Variants in ST3GAL2 observed in about 807,000 individuals in gnomAD.
The protein encoded by ST3GAL2 is ST3 beta-galactoside alpha-2,3-sialyltransferase 2.
In ST3GAL2, 16 loss-of-function variants were observed where a neutral mutation model predicts 37.5. That is an observed-to-expected ratio of 0.43 (90% CI 0.29 to 0.65). The LOEUF is 0.65. Ranked by LOEUF, ST3GAL2 falls within the 30% of genes least tolerant of loss-of-function variation. The probability of loss-of-function intolerance (pLI) is 0.17; values close to 1 mark genes in which losing one functional copy is unlikely to be tolerated. For missense variants in ST3GAL2, 383 were observed against 487.8 expected (o/e 0.79, Z 2.02); for synonymous variants, 238 against 202.9 (o/e 1.17, Z -1.47).
Position 70,398,174 on chromosome 16 carries a change from G to C in ST3GAL2, c.339+18C>G, listed in dbSNP as rs1319822279. On this transcript the variant is annotated intron_variant, in intron 2 of 6. Coordinates refer to ENST00000342907, the MANE Select transcript of ST3GAL2 (RefSeq NM_006927.4). ...AAAACTGGGGGACAGATCCCTGGAAGGGAGCAGCAGCTCTTACCATCCACC... is the reference window on the plus strand; with the variant it reads ...AAAACTGGGGGACAGATCCCTGGAACGGAGCAGCAGCTCTTACCATCCACC... The C allele has an allele frequency of 1.2e-6, 2 of 1,604,500 alleles. No individual in the cohort carries two copies. Among genetic ancestry groups the C allele is most frequent in the African/African-American group, 1.3e-5 (1 of 74,788 alleles).
At chr16:70,408,907 A>G (rs1325890766) in intron 1 of ST3GAL2, among the ~76,000 whole-genome samples, 8 of 114,062 alleles carry the variant, frequency 7.0e-5, no homozygotes, top group African/African-American at 9.2e-5. Context: ...AAAAAAAAAA[A>G]AAAAAAAAAA....
At chr16:70,396,333 T>C (rs1045500741) in intron 2 of ST3GAL2, among the ~76,000 whole-genome samples, 1 of 140,956 alleles carries the variant, frequency 7.1e-6, no homozygotes, top group Non-Finnish European at 1.6e-5. Context: ...AAAAATAAAA[T>C]AAAACATTAT....
intron 1 of ST3GAL2, among the ~76,000 whole-genome samples, chr16:70,428,547 C>T (rs1567677970): frequency 6.6e-6 from 1 of 152,222 alleles, no homozygotes; most frequent in Non-Finnish European, 1.5e-5. Flanking sequence ...CCCCTTCCTC[C>T]CTGCTAGGGT....
chr16:70,396,915 C>T (rs541858990), intron 2 of ST3GAL2, among the ~76,000 whole-genome samples: 17 of 152,140 alleles, frequency 1.1e-4, no homozygotes, highest in African/African-American at 3.9e-4. Flanking sequence ...CCCCCCCAGC[C>T]CCACCCCTTC....
At chr16:70,438,505 A>G (rs1420509265) in intron 1 of ST3GAL2, among the ~76,000 whole-genome samples, 1 of 152,152 alleles carries the variant, frequency 6.6e-6, no homozygotes, top group African/African-American at 2.4e-5. Flanking sequence ...GAGAGAGGAA[A>G]GAGGAGCTGA....
intron 4 of ST3GAL2, among the ~76,000 whole-genome samples, 163 bp downstream of exon 4, chr16:70,388,204 C>T (rs1376113824): frequency 6.6e-6 from 1 of 152,012 alleles, no homozygotes; most frequent in Non-Finnish European, 1.5e-5. Flanking sequence ...TGACACAGAG[C>T]AAGCTGTGCC....
chr16:70,420,954 G>GGAAA (rs2151674921), intron 1 of ST3GAL2, among the ~76,000 whole-genome samples: 1 of 152,338 alleles, frequency 6.6e-6, no homozygotes, highest in Admixed American at 6.5e-5. Flanking sequence ...CTTTCCAACA[G>GGAAA]GGACCCTGGA....
intron 1 of ST3GAL2, among the ~76,000 whole-genome samples, chr16:70,410,532 C>T (rs913566689): frequency 6.6e-6 from 1 of 151,704 alleles, no homozygotes; most frequent in Non-Finnish European, 1.5e-5. Context: ...GGATTACAGG[C>T]GAGAGCCAAC....
intron 1 of ST3GAL2, among the ~76,000 whole-genome samples, chr16:70,417,624 C>A (rs1310080365): frequency 1.3e-5 from 2 of 152,254 alleles, no homozygotes; most frequent in African/African-American, 4.8e-5. Context: ...AGGAGTTTCT[C>A]TGCAAGGCCA....
chr16:70,418,369 T>C (rs16970152), intron 1 of ST3GAL2, among the ~76,000 whole-genome samples: 12,192 of 152,166 alleles, frequency 0.08, 1,629 homozygotes, highest in African/African-American at 0.28. Context: ...TTGACAGCTA[T>C]CCTTCCTCCA....
In ST3GAL2 at chr16:70,403,553, C is replaced by T. The variant is rs377650094; in HGVS notation, c.-1003-4020G>A. ...AAAACGTTGGGCATGAAGGCTCATG[C>T]CTGTAATCCCAACACTTTGGGAGGC... On this transcript the variant is annotated intron_variant, in intron 1 of 6. Coordinates refer to ENST00000342907, the MANE Select transcript of ST3GAL2 (RefSeq NM_006927.4). Among the ~76,000 whole-genome samples, 5 of 152,092 alleles carry T rather than the reference C, an allele frequency of 3.3e-5. No individual in the cohort carries two copies. The East Asian group carries it at 7.7e-4, about 23-fold the overall frequency.
chr16:70,413,630 G>A (rs187267015), intron 1 of ST3GAL2, among the ~76,000 whole-genome samples: 23 of 149,966 alleles, frequency 1.5e-4, no homozygotes, highest in Admixed American at 9.3e-4. Flanking sequence ...CAGCTACTCC[G>A]GAGGCTGAGG....
At chr16:70,434,213 C>T (rs1230498158) in intron 1 of ST3GAL2, among the ~76,000 whole-genome samples, 5 of 152,076 alleles carry the variant, frequency 3.3e-5, no homozygotes, top group Admixed American at 3.3e-4. Context: ...CCGAGGCAGG[C>T]GGATCACGAG....
intron 1 of ST3GAL2, among the ~76,000 whole-genome samples, chr16:70,418,729 C>T (rs1021122831): frequency 6.6e-6 from 1 of 152,208 alleles, no homozygotes; most frequent in Admixed American, 6.5e-5. Context: ...TGTGGAGGAC[C>T]AGGTTGGGGG....
intron 4 of ST3GAL2, among the ~76,000 whole-genome samples, chr16:70,388,041 G>A (rs889306612): frequency 2.6e-5 from 4 of 151,852 alleles, no homozygotes; most frequent in Non-Finnish European, 2.9e-5. Context: ...GAACCCGGGA[G>A]GCGGATGTTG....
rs1318241430 is a variant in ST3GAL2, at chr16:70,381,728, C to T, written c.1014G>A (p.Leu338=). ...ADFEAHIIDM[L]AKASKIEVYR... is the part of the protein sequence containing the mutation. ...AGACTTCGATCTTGCTGGCCTTGGC[C>T]AGCATGTCGATGATGTGGGCCTCGA... The change falls in exon 7 of 7, where the codon CTG becomes CTA. Residue 338 remains leucine (L), a synonymous_variant. Coordinates refer to ENST00000342907, the MANE Select transcript of ST3GAL2 (RefSeq NM_006927.4). 1 of 1,614,044 alleles carries T rather than the reference C, an allele frequency of 6.2e-7. No homozygotes were observed. Among genetic ancestry groups the T allele is most frequent in the African/African-American group, 1.3e-5 (1 of 75,060 alleles).
chr16:70,429,893 T>G (rs1283642837), intron 1 of ST3GAL2, among the ~76,000 whole-genome samples: 1 of 152,122 alleles, frequency 6.6e-6, no homozygotes, highest in Admixed American at 6.5e-5. Context: ...TCTGCCCGCC[T>G]TGGCCTCCCA....
At chr16:70,396,038 C>G (rs1319353633) in intron 2 of ST3GAL2, among the ~76,000 whole-genome samples, 1 of 149,308 alleles carries the variant, frequency 6.7e-6, no homozygotes, top group Non-Finnish European at 1.5e-5. Context: ...ATGGCGCGAT[C>G]TTGGCTCACC....
chr16:70,393,123 T>A (rs2047493060), intron 3 of ST3GAL2, among the ~76,000 whole-genome samples: 1 of 151,638 alleles, frequency 6.6e-6, no homozygotes, highest in Admixed American at 6.6e-5. Context: ...TTCTCTCTTG[T>A]TGCCCAGGCT....
Sources: allele counts gnomAD v4.1 joint callset (sites outside exome capture counted in the v4.1 genomes callset), GRCh38; gene constraint gnomAD v4.1.1; transcripts MANE v1.5; gene names NCBI Gene and HGNC (gene_info 2026-07-23, HGNC 2026-07-21).